Variants in ARHGAP26 observed in about 807,000 individuals in gnomAD.
ARHGAP26 encodes the protein rho GTPase-activating protein 26.
In ARHGAP26, 38 loss-of-function variants were observed where a neutral mutation model predicts 104.8. The observed-to-expected ratio is 0.36, with a 90% CI of 0.28 to 0.48. The LOEUF (loss-of-function observed/expected upper bound fraction) is 0.48, where lower values mean the gene tolerates loss of function less well. Ranked by LOEUF, ARHGAP26 falls within the 20% of genes least tolerant of loss-of-function variation. ARHGAP26 has a pLI of 0.99. For synonymous variants in ARHGAP26, 341 were observed against 340.0 expected (o/e 1.00, Z -0.03); for missense variants, 704 against 947.9 (o/e 0.74, Z 3.38).
intron 21 of ARHGAP26, among the ~76,000 whole-genome samples, chr5:143,209,382 G>C (rs1344300660): frequency 6.6e-6 from 1 of 152,068 alleles, no homozygotes; most frequent in African/African-American, 2.4e-5. Flanking sequence ...CTGCCATTCT[G>C]TTGCCATCTT....
chr5:142,984,821 AGCACAT>A (rs1774433182), intron 11 of ARHGAP26, among the ~76,000 whole-genome samples: 1 of 152,212 alleles, frequency 6.6e-6, no homozygotes. Context: ...ACAAAAGTAG[AGCACAT>A]GCAATACTTG....
intron 1 of ARHGAP26, among the ~76,000 whole-genome samples, chr5:142,791,291 C>T (rs1431902187): frequency 6.6e-6 from 1 of 152,146 alleles, no homozygotes; most frequent in African/African-American, 2.4e-5. Context: ...TTAAAAGAAG[C>T]AAGAATCAGA....
chr5:142,965,104 C>T (rs1771080007), intron 11 of ARHGAP26, among the ~76,000 whole-genome samples: 1 of 152,148 alleles, frequency 6.6e-6, no homozygotes, highest in African/African-American at 2.4e-5. Flanking sequence ...CAGCTTATGC[C>T]ATTATTTCTG....
At chr5:143,012,102 G>A (rs556992355) in intron 11 of ARHGAP26, among the ~76,000 whole-genome samples, 5 of 152,266 alleles carry the variant, frequency 3.3e-5, no homozygotes, top group African/African-American at 9.6e-5. Flanking sequence ...TCTCTAGAGC[G>A]TTTAGGTATA....
intron 1 of ARHGAP26, among the ~76,000 whole-genome samples, chr5:142,841,074 A>G (rs1770698102): frequency 6.6e-6 from 1 of 152,184 alleles, no homozygotes; most frequent in South Asian, 2.1e-4. Flanking sequence ...AAGGATATCC[A>G]GGGACCTCTG....
chr5:143,147,566 T>A, intron 20 of ARHGAP26, 185 bp downstream of exon 20: 1 of 623,808 alleles, frequency 1.6e-6, no homozygotes, highest in Non-Finnish European at 2.7e-6. Context: ...TCAGAGGGAG[T>A]CGTTATTCTT....
At chr5:143,075,759 C>T (rs1244429306) in intron 17 of ARHGAP26, among the ~76,000 whole-genome samples, 2 of 152,066 alleles carry the variant, frequency 1.3e-5, no homozygotes, top group South Asian at 2.1e-4. Flanking sequence ...AGTGCAGTGG[C>T]GTGATCTGAG....
intron 6 of ARHGAP26, among the ~76,000 whole-genome samples, chr5:142,896,505 C>T (rs1253791771): frequency 6.6e-6 from 1 of 152,172 alleles, no homozygotes; most frequent in Non-Finnish European, 1.5e-5. Flanking sequence ...GAGGTTCAGC[C>T]AGCTTAGGCT....
At chr5:142,827,160 G>A (rs903784912) in intron 1 of ARHGAP26, among the ~76,000 whole-genome samples, 3 of 151,426 alleles carry the variant, frequency 2.0e-5, no homozygotes, top group East Asian at 1.9e-4. Context: ...ATGAAAAGCC[G>A]GAAGTTGCTT....
chr5:143,010,380 C>G (rs886573229), intron 11 of ARHGAP26, among the ~76,000 whole-genome samples: 1 of 152,196 alleles, frequency 6.6e-6, no homozygotes, highest in South Asian at 2.1e-4. Flanking sequence ...GTGAATAATA[C>G]TAGACCTCAT....
Position 143,222,479 on chromosome 5 carries a change from A to T in ARHGAP26, c.*33A>T. Reference sequence around the variant, plus strand: ...CCCCAGCAGAACTGCTGAGCTTTACATGGTATCCATGACAACTGCTGATTC... The same window carrying T: ...CCCCAGCAGAACTGCTGAGCTTTACTTGGTATCCATGACAACTGCTGATTC... On this transcript the variant is annotated 3_prime_UTR_variant, in exon 23 of 23. Coordinates refer to ENST00000645722, the MANE Select transcript of ARHGAP26 (RefSeq NM_001135608.3). The T allele has an allele frequency of 6.5e-7, 1 of 1,535,440 alleles. No individual in the cohort carries two copies. The highest frequency in any genetic ancestry group is 8.9e-7 in the Non-Finnish European group (1 of 1,126,636).
intron 17 of ARHGAP26, among the ~76,000 whole-genome samples, chr5:143,081,434 TTAAGACAATGA>T (rs1789794409): frequency 2.6e-5 from 4 of 152,346 alleles, no homozygotes; most frequent in African/African-American, 9.6e-5. Context: ...CTTGGTTGCT[TTAAGACAATGA>T]CCTATGTTTT....
intron 1 of ARHGAP26, among the ~76,000 whole-genome samples, chr5:142,828,783 G>A (rs1000846197): frequency 6.6e-6 from 1 of 152,104 alleles, no homozygotes; most frequent in African/African-American, 2.4e-5. Context: ...CATGCTCAGG[G>A]AGAGTTGCCA....
chr5:143,056,217 C>G, intron 16 of ARHGAP26, 131 bp downstream of exon 16: 1 of 670,622 alleles, frequency 1.5e-6, no homozygotes, highest in Non-Finnish European at 2.5e-6. Context: ...ATAACATACT[C>G]ATGAGATTCT....
chr5:143,047,741 A>G (rs1233022360), intron 14 of ARHGAP26, among the ~76,000 whole-genome samples: 1 of 151,742 alleles, frequency 6.6e-6, no homozygotes, highest in Non-Finnish European at 1.5e-5. Flanking sequence ...GATTTATACT[A>G]CTTTTGTTGA....
intron 20 of ARHGAP26, among the ~76,000 whole-genome samples, chr5:143,160,361 G>A (rs765027206): frequency 6.6e-6 from 1 of 151,842 alleles, no homozygotes; most frequent in African/African-American, 2.4e-5. Context: ...GCCTGGCCAA[G>A]ATTTTTCTTT....
At chr5:143,086,176 C>T (rs1790564832) in intron 17 of ARHGAP26, among the ~76,000 whole-genome samples, 1 of 152,140 alleles carries the variant, frequency 6.6e-6, no homozygotes, top group Admixed American at 6.5e-5. Flanking sequence ...TTTTTCTCTC[C>T]AGAGTATCTG....
chr5:142,787,088 CTG>C (rs1439802294), intron 1 of ARHGAP26, among the ~76,000 whole-genome samples: 1 of 152,112 alleles, frequency 6.6e-6, no homozygotes, highest in Non-Finnish European at 1.5e-5. Flanking sequence ...GTTATACTTC[CTG>C]TGTTACATTT....
chr5:142,957,624 C>G (rs1304250879), intron 11 of ARHGAP26, among the ~76,000 whole-genome samples: 1 of 152,232 alleles, frequency 6.6e-6, no homozygotes, highest in Non-Finnish European at 1.5e-5. Context: ...GTAGTTTGAT[C>G]TAGATTTCCA....
Sources: gnomAD v4.1 joint callset for allele counts (sites outside exome capture counted in the v4.1 genomes callset) on GRCh38, gnomAD v4.1.1 for gene constraint, MANE v1.5 for transcripts, NCBI Gene and HGNC (gene_info 2026-07-23, HGNC 2026-07-21) for gene names.